COL11A1: variants seen among roughly 807,000 people sequenced by gnomAD.
The protein encoded by COL11A1 is collagen alpha-1(XI) chain.
In COL11A1, 74 loss-of-function variants were observed where a neutral mutation model predicts 265.2. That is an observed-to-expected ratio of 0.28 (90% CI 0.23 to 0.34). COL11A1 has a LOEUF of 0.34. COL11A1 is among the 10% of genes least tolerant of loss of function. The pLI, the probability that COL11A1 is intolerant of heterozygous loss-of-function variation, is 1.00. For missense variants in COL11A1, 2,165 were observed against 2,263.6 expected (o/e 0.96, Z 0.88); for synonymous variants, 816 against 727.6 (o/e 1.12, Z -1.96).
chr1:102,898,976 C>T lies in COL11A1; in HGVS notation c.4105G>A (p.Gly1369Ser). ...PGKRGPPGAA[G>S]AEGRQGEKGA... ...TTTTCACCTTGTCTTCCCTCTGCAC[C>T]TGCAGCTCCAGGAGGACCCTATAGA... Residue 1369 changes from glycine to serine, a missense_variant, in exon 55 of 67, where the codon GGT (glycine) becomes AGT (serine). Gly to Ser is a moderately conservative substitution (Grantham distance 56, BLOSUM62 0). Transcript: ENST00000370096. The T allele has an allele frequency of 6.5e-7, 1 of 1,545,002 alleles. No homozygotes were observed. The highest frequency in any genetic ancestry group is 8.8e-7 in the Non-Finnish European group (1 of 1,138,426).
chr1:102,926,486 G>A (rs1476124722), intron 46 of COL11A1, among the ~76,000 whole-genome samples: 2 of 152,000 alleles, frequency 1.3e-5, no homozygotes, highest in Non-Finnish European at 2.9e-5. Flanking sequence ...TATTATAATT[G>A]CTAATATCTA....
At position 102,902,875 on chromosome 1, in the gene COL11A1, C is replaced by CAT. The variant is rs1451178887; in HGVS notation, c.4087-3882_4087-3881insAT. Among the ~76,000 whole-genome samples the CAT allele has an allele frequency of 7.2e-3, 1,081 of 150,636 alleles. 18 individuals are homozygous for CAT. Among genetic ancestry groups the CAT allele is most frequent in the African/African-American group, 0.022 (901 of 40,900 alleles). ...AGTACATGCATATACAAGGTACACACACATATATATATACTATATTATATA... is the reference window on the plus strand; with the variant it reads ...AGTACATGCATATACAAGGTACACACATACATATATATATACTATATTATATA... On this transcript the variant is annotated intron_variant, in intron 54 of 66. Transcript: ENST00000370096.
At chr1:102,882,770 C>T (rs1650418217) in intron 64 of COL11A1, among the ~76,000 whole-genome samples, 1 of 152,060 alleles carries the variant, frequency 6.6e-6, no homozygotes, top group South Asian at 2.1e-4. Flanking sequence ...TTTAAAGAAA[C>T]TAAATATTTA....
intron 46 of COL11A1, among the ~76,000 whole-genome samples, chr1:102,932,894 G>T (rs978445418): frequency 3.3e-5 from 5 of 151,356 alleles, no homozygotes; most frequent in African/African-American, 1.2e-4. Context: ...CGGCTCCTGA[G>T]GCTTCTGCAT....
chr1:102,950,942 C>G (rs1659815274), intron 41 of COL11A1, among the ~76,000 whole-genome samples: 1 of 152,112 alleles, frequency 6.6e-6, no homozygotes, highest in South Asian at 2.1e-4. Flanking sequence ...GGGGCTCTTC[C>G]CCCTTTGCTA....
chr1:103,060,942 A>C (rs1670629050), intron 4 of COL11A1, among the ~76,000 whole-genome samples: 1 of 152,028 alleles, frequency 6.6e-6, no homozygotes, highest in Admixed American at 6.6e-5. Context: ...TGATTTAAAT[A>C]CACTCATTAA....
chr1:103,045,186 G>A (rs1193895532), intron 4 of COL11A1, among the ~76,000 whole-genome samples: 2 of 152,140 alleles, frequency 1.3e-5, no homozygotes, highest in Admixed American at 1.3e-4. Flanking sequence ...TAACAGGAGA[G>A]GCAGAGGGTG....
chr1:103,027,428 T>TGC (rs1667624717), intron 5 of COL11A1, among the ~76,000 whole-genome samples: 1 of 128,038 alleles, frequency 7.8e-6, no homozygotes, highest in African/African-American at 3.3e-5. Context: ...TATATATATA[T>TGC]ATATATATAT....
chr1:103,076,814 T>A (rs71655807), intron 3 of COL11A1, among the ~76,000 whole-genome samples: 1 of 152,120 alleles, frequency 6.6e-6, no homozygotes, highest in South Asian at 2.1e-4. Context: ...CCTGGGTTGT[T>A]CATTGCTACA....
chr1:102,898,586 A>C (rs1447444265), intron 56 of COL11A1, 80 bp downstream of exon 56: 2 of 1,036,410 alleles, frequency 1.9e-6, no homozygotes, highest in African/African-American at 1.6e-5. Flanking sequence ...AATAATGCTA[A>C]CATAGACACC....
At chr1:102,976,288 G>GTTTTTTTTTTTT (rs1557893410) in intron 35 of COL11A1, among the ~76,000 whole-genome samples, 1 of 45,242 alleles carries the variant, frequency 2.2e-5, no homozygotes, top group Non-Finnish European at 5.8e-5. Flanking sequence ...GAAAACGTTG[G>GTTTTTTTTTTTT]CTTTTTTTTT....
intron 44 of COL11A1, 141 bp downstream of exon 44, chr1:102,938,894 G>C: frequency 1.4e-6 from 1 of 693,638 alleles, no homozygotes; most frequent in Non-Finnish European, 2.5e-6. Flanking sequence ...ATTATAGAAT[G>C]ATATAACTGC....
At chr1:102,932,554 C>T (rs1193428214) in intron 46 of COL11A1, among the ~76,000 whole-genome samples, 1 of 152,132 alleles carries the variant, frequency 6.6e-6, no homozygotes, top group Non-Finnish European at 1.5e-5. Context: ...TTTGGTGAAT[C>T]TGACAATTAT....
At chr1:102,941,842 G>T (rs1255301653) in intron 42 of COL11A1, among the ~76,000 whole-genome samples, 3 of 152,070 alleles carry the variant, frequency 2.0e-5, no homozygotes, top group African/African-American at 7.2e-5. Flanking sequence ...TGCCCTATCA[G>T]ATAATAAACT....
chr1:103,061,253 C>T (rs1275691006), intron 4 of COL11A1, among the ~76,000 whole-genome samples: 1 of 151,920 alleles, frequency 6.6e-6, no homozygotes, highest in Non-Finnish European at 1.5e-5. Context: ...ATACATGAAG[C>T]AAAATCTAAT....
Position 102,877,633 on chromosome 1 carries a change from A to T in COL11A1, c.*386T>A. The T allele has an allele frequency of 5.1e-6, 1 of 196,400 alleles. No individual in the cohort carries two copies. The highest frequency in any genetic ancestry group is 1.1e-5 in the Non-Finnish European group (1 of 94,100). The allele number at this position is 196,400 out of a possible 1,614,324, so 12.2% of individuals were successfully genotyped here. A position where few individuals can be genotyped will look rare whatever the true frequency, so the allele number is the denominator to read the frequency against. On this transcript the variant is annotated 3_prime_UTR_variant, in exon 67 of 67. Transcript: ENST00000370096. ...CAGATAACAGTATAGAACTGTACACAAAATAATTACAATTTATTAAACACA... is the reference window on the plus strand; with the variant it reads ...CAGATAACAGTATAGAACTGTACACTAAATAATTACAATTTATTAAACACA...
At chr1:102,934,811 T>C (rs1249070072) in intron 45 of COL11A1, among the ~76,000 whole-genome samples, 1 of 152,232 alleles carries the variant, frequency 6.6e-6, no homozygotes, top group Non-Finnish European at 1.5e-5. Context: ...ATAACGGAAA[T>C]AATTTTCTGA....
chr1:103,086,753 T>G (rs1672907175), intron 1 of COL11A1, among the ~76,000 whole-genome samples: 1 of 151,796 alleles, frequency 6.6e-6, no homozygotes, highest in African/African-American at 2.4e-5. Flanking sequence ...TATCCAAGTG[T>G]TCACTCCTCA....
chr1:102,905,533 T>G lies in COL11A1; in HGVS notation c.4087-6539A>C, dbSNP rs1403943968. 3.6e-5 allele frequency among the ~76,000 whole-genome samples: 5 copies of G among 137,684 alleles called. No individual in the cohort carries two copies. In the South Asian group the frequency reaches 1.2e-3, roughly 33 times the overall value. The allele number at this position is 137,684 out of a possible 152,430, so 90.3% of individuals were successfully genotyped here. On this transcript the variant is annotated intron_variant, in intron 54 of 66. Coordinates refer to ENST00000370096, the MANE Select transcript of COL11A1 (RefSeq NM_001854.4). ...TATAAGTTAAAAAAAAAAAAAAAAG[T>G]GCTGGGATCGTGGGTGTGACCAAAT...
Sources: gnomAD v4.1 joint callset for allele counts (sites outside exome capture counted in the v4.1 genomes callset) on GRCh38, gnomAD v4.1.1 for gene constraint, MANE v1.5 for transcripts, NCBI Gene and HGNC (gene_info 2026-07-23, HGNC 2026-07-21) for gene names.